LRP1B: variants seen among roughly 807,000 people sequenced by gnomAD.
LRP1B encodes the protein LDL receptor related protein 1B, also known as low-density lipoprotein receptor-related protein 1B.
A neutral mutation model predicts 556.6 loss-of-function variants in LRP1B; 217 were observed. That is an observed-to-expected ratio of 0.39 (90% CI 0.35 to 0.44). The LOEUF is 0.44. Ranked by LOEUF, LRP1B falls within the 20% of genes least tolerant of loss-of-function variation. The pLI is 1.00. For missense variants in LRP1B, 5,053 were observed against 5,620.8 expected (o/e 0.90, Z 3.23); for synonymous variants, 2,047 against 1,865.8 (o/e 1.10, Z -2.50).
At chr2:141,432,846 C>G (rs867135207) in intron 3 of LRP1B, among the ~76,000 whole-genome samples, 2 of 99,310 alleles carry the variant, frequency 2.0e-5, no homozygotes, top group East Asian at 1.2e-3. Context: ...TTCAAACTTC[C>G]GATTTCATGT....
intron 2 of LRP1B, among the ~76,000 whole-genome samples, chr2:141,708,450 C>T (rs1260261510): frequency 6.6e-6 from 1 of 152,050 alleles, no homozygotes; most frequent in Non-Finnish European, 1.5e-5. Flanking sequence ...AGAAAAGGGA[C>T]TCACCTATGA....
At chr2:140,948,329 C>T (rs901478743) in intron 20 of LRP1B, among the ~76,000 whole-genome samples, 29 of 151,996 alleles carry the variant, frequency 1.9e-4, no homozygotes, top group African/African-American at 6.5e-4. Flanking sequence ...GATGAAATGT[C>T]GACCACTCTT....
chr2:140,570,449 C>T (rs1348758948), intron 43 of LRP1B, among the ~76,000 whole-genome samples: 1 of 151,460 alleles, frequency 6.6e-6, no homozygotes, highest in Non-Finnish European at 1.5e-5. Context: ...TTTATAAACA[C>T]ATAAAACCTA....
At chr2:141,497,872 T>A (rs955538084) in intron 2 of LRP1B, among the ~76,000 whole-genome samples, 6 of 151,856 alleles carry the variant, frequency 4.0e-5, no homozygotes, top group African/African-American at 1.2e-4. Flanking sequence ...AATAAGAGAA[T>A]AAAAAAATTA....
chr2:140,819,785 G>C (rs1691257487), intron 31 of LRP1B, among the ~76,000 whole-genome samples: 1 of 152,118 alleles, frequency 6.6e-6, no homozygotes, highest in South Asian at 2.1e-4. Context: ...AAAGCAGTGA[G>C]AACACTAAAT....
chr2:140,955,475 T>C (rs1186604790), intron 18 of LRP1B, among the ~76,000 whole-genome samples: 2 of 151,946 alleles, frequency 1.3e-5, no homozygotes, highest in East Asian at 3.9e-4. Flanking sequence ...AATTACCTGA[T>C]TAACTCTGAA....
At chr2:140,467,255 T>C (rs1687583661) in intron 60 of LRP1B, among the ~76,000 whole-genome samples, 1 of 152,098 alleles carries the variant, frequency 6.6e-6, no homozygotes, top group Admixed American at 6.6e-5. Context: ...CATGGTGCTA[T>C]GGTCTTAACG....
At chr2:141,530,737 G>T (rs1684844891) in intron 2 of LRP1B, among the ~76,000 whole-genome samples, 1 of 152,046 alleles carries the variant, frequency 6.6e-6, no homozygotes, top group Admixed American at 6.6e-5. Context: ...ATGCCCAAAA[G>T]ATGGGTGGTG....
chr2:141,122,852 A>T (rs554711237), intron 7 of LRP1B, among the ~76,000 whole-genome samples: 2 of 152,194 alleles, frequency 1.3e-5, no homozygotes, highest in Non-Finnish European at 2.9e-5. Context: ...AACCAACCCA[A>T]ATGTCCAACA....
intron 6 of LRP1B, among the ~76,000 whole-genome samples, chr2:141,202,982 G>T (rs1682105349): frequency 6.6e-6 from 1 of 151,792 alleles, no homozygotes; most frequent in Non-Finnish European, 1.5e-5. Flanking sequence ...TGCGATACTT[G>T]GTTTTCTATT....
chr2:140,908,022 C>T lies in LRP1B; in HGVS notation c.3375G>A (p.Gln1125=), dbSNP rs1694306404. Residue 1125 remains glutamine (Q), a synonymous_variant, in exon 22 of 91, where the codon CAG becomes CAA. Transcript: ENST00000389484. ...AACTGTCACAGTCATCTTCATCTGA[C>T]TGATCTTCGCAATCAATATCTCCAT... ...VCDGDIDCED[Q]SDEDDCDSFL... 6.2e-7 allele frequency: 1 copy of T among 1,613,510 alleles called. No individual in the cohort carries two copies. Among genetic ancestry groups the T allele is most frequent in the South Asian group, 1.1e-5 (1 of 91,072 alleles).
intron 2 of LRP1B, among the ~76,000 whole-genome samples, chr2:141,676,480 G>C (rs1340347007): frequency 6.6e-6 from 1 of 151,888 alleles, no homozygotes; most frequent in African/African-American, 2.4e-5. Context: ...TTCACTTCAG[G>C]CATCTGGTTG....
intron 2 of LRP1B, among the ~76,000 whole-genome samples, chr2:141,653,653 A>T (rs998978644): frequency 2.0e-5 from 3 of 152,292 alleles, no homozygotes; most frequent in Middle Eastern, 3.4e-3. Flanking sequence ...TTCAAGCTAT[A>T]CGAGGTGGTT....
At chr2:140,416,676 G>A (rs138381574) in intron 66 of LRP1B, among the ~76,000 whole-genome samples, 7 of 152,124 alleles carry the variant, frequency 4.6e-5, no homozygotes, top group Admixed American at 2.0e-4. Context: ...CTGTCAGTGA[G>A]TGGCAAGTAA....
chr2:141,828,496 T>A (rs924260943), intron 1 of LRP1B, among the ~76,000 whole-genome samples: 2 of 152,150 alleles, frequency 1.3e-5, no homozygotes, highest in Non-Finnish European at 2.9e-5. Flanking sequence ...GAATAGATAT[T>A]TCTATAAAGA....
At chr2:140,559,880 A>G (rs1447480507) in intron 43 of LRP1B, among the ~76,000 whole-genome samples, 1 of 152,192 alleles carries the variant, frequency 6.6e-6, no homozygotes, top group Non-Finnish European at 1.5e-5. Context: ...CAAGATTTAC[A>G]TTAAATCACT....
intron 1 of LRP1B, among the ~76,000 whole-genome samples, chr2:142,023,760 G>C (rs1187680377): frequency 6.6e-6 from 1 of 152,150 alleles, no homozygotes; most frequent in Non-Finnish European, 1.5e-5. Flanking sequence ...GACTGGGATG[G>C]AGAGGTACTG....
chr2:141,042,051 C>G (rs1171000534), intron 11 of LRP1B, among the ~76,000 whole-genome samples: 1 of 152,082 alleles, frequency 6.6e-6, no homozygotes, highest in African/African-American at 2.4e-5. Flanking sequence ...AATCAGATCA[C>G]AGTAACTTGC....
chr2:141,282,535 G>T (rs1274766185), intron 3 of LRP1B, among the ~76,000 whole-genome samples: 1 of 127,542 alleles, frequency 7.8e-6, no homozygotes, highest in Admixed American at 8.1e-5. Context: ...AGGTTCAAAG[G>T]AAGGAGAGAA....
Sources: gnomAD v4.1 joint callset for allele counts (sites outside exome capture counted in the v4.1 genomes callset) on GRCh38, gnomAD v4.1.1 for gene constraint, MANE v1.5 for transcripts, NCBI Gene and HGNC (gene_info 2026-07-23, HGNC 2026-07-21) for gene names.